The following CNTNAP5 variants were observed in gnomAD, a reference collection of about 807,000 sequenced individuals.
CNTNAP5 encodes contactin-associated protein-like 5.
A neutral mutation model predicts 150.2 loss-of-function variants in CNTNAP5; 72 were observed. The observed-to-expected ratio is 0.48, with a 90% CI of 0.40 to 0.58. CNTNAP5 has a LOEUF of 0.58. CNTNAP5 is among the 20% of genes least tolerant of loss of function. CNTNAP5 has a pLI of 0.00. For synonymous variants in CNTNAP5, 672 were observed against 619.8 expected (o/e 1.08, Z -1.25); for missense variants, 1,636 against 1,626.2 (o/e 1.01, Z -0.10).
chr2:124,760,722 G>A (rs1423312846), intron 14 of CNTNAP5, among the ~76,000 whole-genome samples: 4 of 151,980 alleles, frequency 2.6e-5, no homozygotes, highest in Admixed American at 6.6e-5. Context: ...GTGGGGTGCC[G>A]TTTCTTGTTC....
intron 1 of CNTNAP5, among the ~76,000 whole-genome samples, chr2:124,153,153 T>C (rs543013012): frequency 6.6e-6 from 1 of 152,304 alleles, no homozygotes; most frequent in African/African-American, 2.4e-5. Context: ...ACTCACTGAT[T>C]TTCTGAAGAT....
chr2:124,147,747 G>A (rs142071200), intron 1 of CNTNAP5, among the ~76,000 whole-genome samples: 1 of 152,134 alleles, frequency 6.6e-6, no homozygotes, highest in Non-Finnish European at 1.5e-5. Context: ...TGGCCTGGGC[G>A]GCTTCTCTCA....
At chr2:124,080,914 C>G (rs1682546316) in intron 1 of CNTNAP5, among the ~76,000 whole-genome samples, 1 of 152,146 alleles carries the variant, frequency 6.6e-6, no homozygotes, top group East Asian at 1.9e-4. Flanking sequence ...ACGATAAGAA[C>G]CCTTTCCCTA....
intron 13 of CNTNAP5, among the ~76,000 whole-genome samples, chr2:124,681,295 C>A (rs1184439331): frequency 1.5e-5 from 2 of 131,816 alleles, no homozygotes; most frequent in African/African-American, 5.8e-5. Context: ...GTGTGAGACT[C>A]CATCTCAAAA....
intron 10 of CNTNAP5, among the ~76,000 whole-genome samples, chr2:124,533,381 G>A (rs2104897294): frequency 6.6e-6 from 1 of 152,274 alleles, no homozygotes; most frequent in East Asian, 1.9e-4. Flanking sequence ...GGTGGAGCCT[G>A]GAAATTTGCA....
At chr2:124,609,743 TGC>T in intron 11 of CNTNAP5, 56 bp from the exon 12 acceptor site, 4 of 1,582,082 alleles carry the variant, frequency 2.5e-6, no homozygotes, top group Non-Finnish European at 2.6e-6. Context: ...TACTGATTCC[TGC>T]AAAGGGATAT....
At chr2:124,430,852 T>G (rs1160726534) in intron 4 of CNTNAP5, among the ~76,000 whole-genome samples, 1 of 152,240 alleles carries the variant, frequency 6.6e-6, no homozygotes, top group Non-Finnish European at 1.5e-5. Flanking sequence ...AGCATCTTTA[T>G]GCTGTGCTTG....
At chr2:124,094,334 C>T (rs1682883176) in intron 1 of CNTNAP5, among the ~76,000 whole-genome samples, 1 of 152,122 alleles carries the variant, frequency 6.6e-6, no homozygotes, top group Non-Finnish European at 1.5e-5. Flanking sequence ...TGGAGTAATT[C>T]TGTTGATCTA....
intron 19 of CNTNAP5, among the ~76,000 whole-genome samples, chr2:124,835,346 G>A (rs1219190639): frequency 6.6e-6 from 1 of 152,038 alleles, no homozygotes; most frequent in Non-Finnish European, 1.5e-5. Flanking sequence ...ATTGCCCTGT[G>A]TAAATTCCTG....
chr2:124,879,023 G>C (rs1211475168), intron 21 of CNTNAP5, among the ~76,000 whole-genome samples: 1 of 151,986 alleles, frequency 6.6e-6, no homozygotes, highest in Non-Finnish European at 1.5e-5. Flanking sequence ...GAGTTAACTA[G>C]ACCAAAACCC....
intron 1 of CNTNAP5, among the ~76,000 whole-genome samples, chr2:124,078,484 A>G (rs1682488466): frequency 6.6e-6 from 1 of 152,194 alleles, no homozygotes; most frequent in Admixed American, 6.5e-5. Context: ...CAGTTCTTGC[A>G]TATACTAGTG....
chr2:124,048,143 A>G (rs945007611), intron 1 of CNTNAP5, among the ~76,000 whole-genome samples: 6 of 152,148 alleles, frequency 3.9e-5, no homozygotes, highest in African/African-American at 1.4e-4. Context: ...TCTTCCCCAA[A>G]TAAATTGCTC....
intron 18 of CNTNAP5, among the ~76,000 whole-genome samples, chr2:124,792,132 G>C (rs919611495): frequency 6.6e-6 from 1 of 152,090 alleles, no homozygotes; most frequent in Non-Finnish European, 1.5e-5. Flanking sequence ...CAAGGAGATG[G>C]TGTGTAAATA....
intron 11 of CNTNAP5, among the ~76,000 whole-genome samples, chr2:124,574,061 T>C (rs1359933300): frequency 6.6e-6 from 1 of 152,248 alleles, no homozygotes; most frequent in African/African-American, 2.4e-5. Context: ...GGCTGTTTTC[T>C]ACTATGGATT....
intron 1 of CNTNAP5, among the ~76,000 whole-genome samples, chr2:124,119,576 C>T (rs1683513055): frequency 1.3e-5 from 2 of 152,144 alleles, no homozygotes; most frequent in Middle Eastern, 6.8e-3. Context: ...CACCAAATTC[C>T]ATATGGGTGA....
Position 124,563,202 on chromosome 2 carries a change from G to A in CNTNAP5, c.1650-15G>A. Reference sequence around the variant, plus strand: ...TTTGGTTTATTTTCTTTTCATTTATGTTTTCTTCCATTAGGTGTTTGCCAA... The same window carrying A: ...TTTGGTTTATTTTCTTTTCATTTATATTTTCTTCCATTAGGTGTTTGCCAA... On this transcript the variant is annotated splice_polypyrimidine_tract_variant and intron_variant, in intron 10 of 23. Transcript: ENST00000682447. The A allele has an allele frequency of 6.6e-7, 1 of 1,516,302 alleles. No individual in the cohort carries two copies. The highest frequency in any genetic ancestry group is 9.0e-7 in the Non-Finnish European group (1 of 1,108,592). 93.9% of individuals were successfully genotyped at this position (1,516,302 alleles called of 1,614,324 possible).
At chr2:124,751,390 G>A (rs1204680079) in intron 14 of CNTNAP5, among the ~76,000 whole-genome samples, 1 of 152,186 alleles carries the variant, frequency 6.6e-6, no homozygotes. Context: ...GAAGCTCCTT[G>A]TATGGAAATA....
At position 124,524,583 on chromosome 2, in the gene CNTNAP5, C is replaced by T. The variant is rs1694922658; in HGVS notation, c.1477+131C>T. 5.2e-6 allele frequency: 4 copies of T among 770,626 alleles called. No individual in the cohort carries two copies. The East Asian group carries it at 8.1e-5, about 16-fold the overall frequency. The allele number at this position is 770,626 out of a possible 1,614,324, so 47.7% of individuals were successfully genotyped here. The stretch of plus-strand genomic sequence containing the variant: ...CAACACACAAACACACACACACATG[C>T]ACATACACACACACCCTCAATCTCA... On this transcript the variant is annotated intron_variant, in intron 9 of 23. Coordinates refer to ENST00000682447, the MANE Select transcript of CNTNAP5 (RefSeq NM_001367498.1).
In CNTNAP5 at chr2:124,448,739, CAGAG is replaced by C. The variant is rs201123808; in HGVS notation, c.918+1804_918+1807del. ...GAAATTTTTCAAAAAGAATATATGA[CAGAG>C]ACTCTAAGTGCTACAGATAAAATTA... On this transcript the variant is annotated intron_variant, in intron 6 of 23. Coordinates refer to ENST00000682447, the MANE Select transcript of CNTNAP5 (RefSeq NM_001367498.1). 7.1e-3 allele frequency among the ~76,000 whole-genome samples: 1,083 copies of C among 152,280 alleles called. 11 individuals carry two copies. Among genetic ancestry groups the C allele is most frequent in the African/African-American group, 0.025 (1,019 of 41,546 alleles).
Sources: gnomAD v4.1 joint callset for allele counts (sites outside exome capture counted in the v4.1 genomes callset) on GRCh38, gnomAD v4.1.1 for gene constraint, MANE v1.5 for transcripts, NCBI Gene and HGNC (gene_info 2026-07-23, HGNC 2026-07-21) for gene names.